Variants in TPPP observed in about 807,000 individuals in gnomAD.
The protein encoded by TPPP is tubulin polymerization-promoting protein.
A neutral mutation model predicts 15.5 loss-of-function variants in TPPP; 6 were observed. The observed-to-expected ratio is 0.39, with a 90% CI of 0.21 to 0.77. TPPP has a LOEUF of 0.77. TPPP is among the 30% of genes least tolerant of loss of function. TPPP has a pLI of 0.42. For synonymous variants in TPPP, 146 were observed against 133.9 expected, an observed-to-expected ratio of 1.09 and a Z score of -0.63; for missense variants, 269 against 307.2, an observed-to-expected ratio of 0.88 and a Z score of 0.93.
rs1392643165 is a variant in TPPP at position 676,829 on chromosome 5, C to CAG, written c.311+920_311+921insCT. Among the ~76,000 whole-genome samples, 91 of 101,210 alleles carry CAG rather than the reference C, an allele frequency of 9.0e-4. No individual in the cohort carries two copies. The African/African-American group carries it at 0.012, about 14-fold the overall frequency. 66.4% of individuals were successfully genotyped at this position (101,210 alleles called of 152,430 possible). On this transcript the variant is annotated intron_variant, in intron 2 of 3. Coordinates refer to ENST00000360578, the MANE Select transcript of TPPP (RefSeq NM_007030.3). ...ATGCAGAAACACATGCACACATGCG[C>CAG]ACACGTGCACACACGACACAGAAAC...
Position 665,165 on chromosome 5 carries a change from T to C in TPPP, c.597A>G (p.Ser199=), listed in dbSNP as rs1697963. The C allele has an allele frequency of 0.62, 997,234 of 1,613,244 alleles. 312,295 individuals carry two copies. The highest frequency in any genetic ancestry group is 0.89 in the African/African-American group (66,923 of 75,034). Residue 199 remains serine (S), a synonymous_variant, in exon 4 of 4, where the codon TCA becomes TCG. Transcript: ENST00000360578. ...CGTGCTTGTAGCCGGACACATAGCC[T>C]GACTCGTCCACCAGATCCACGCGGC... ...KAGRVDLVDE[S]GYVSGYKHAG...
Position 660,248 on chromosome 5 carries a change from G to GA in TPPP, c.*4853dup, listed in dbSNP as rs1415611842. The GA allele has an allele frequency of 6.7e-6, 1 of 149,334 alleles. No individual in the cohort carries two copies. Among genetic ancestry groups the GA allele is most frequent in the Non-Finnish European group, 1.5e-5 (1 of 67,348 alleles). 9.3% of individuals were successfully genotyped at this position (149,334 alleles called of 1,614,324 possible). ...ATATATAAATTTGTTTCCCTTTCTT[G>GA]AAAAAAACTTAGTACAAACTAGTAG... is the stretch of plus-strand genomic sequence containing the variant. On this transcript the variant is annotated 3_prime_UTR_variant, in exon 4 of 4. Coordinates refer to ENST00000360578, the MANE Select transcript of TPPP (RefSeq NM_007030.3).
At chr5:685,918 T>C (rs1342485205) in intron 1 of TPPP, among the ~76,000 whole-genome samples, 1 of 152,088 alleles carries the variant, frequency 6.6e-6, no homozygotes, top group African/African-American at 2.4e-5. Flanking sequence ...TCCAGAGCAC[T>C]ATGGCTGAGT....
chr5:683,593 C>A (rs1740685965), intron 1 of TPPP, among the ~76,000 whole-genome samples: 1 of 152,230 alleles, frequency 6.6e-6, no homozygotes, highest in Non-Finnish European at 1.5e-5. Flanking sequence ...GCTGTGACTG[C>A]AGGATGCCCC....
chr5:693,634 AG>A (rs1327351587), upstream of TPPP, among the ~76,000 whole-genome samples: 104 of 151,470 alleles, frequency 6.9e-4, no homozygotes, highest in Non-Finnish European at 7.2e-4. Flanking sequence ...ACCGCTGGGC[AG>A]GGGGCGGCGG....
At chr5:672,480 G>A (rs764775076) in intron 2 of TPPP, among the ~76,000 whole-genome samples, 4 of 152,262 alleles carry the variant, frequency 2.6e-5, no homozygotes, top group East Asian at 1.9e-4. Flanking sequence ...AGCTGAGACC[G>A]CAGCCCAGCC....
At chr5:669,680 T>TC (rs1404835135) in intron 2 of TPPP, among the ~76,000 whole-genome samples, 1 of 151,374 alleles carries the variant, frequency 6.6e-6, no homozygotes, top group African/African-American at 2.4e-5. Flanking sequence ...GCTGAGGGGC[T>TC]CCCCCATCAG....
rs1709542 is a variant in TPPP at position 662,428 on chromosome 5, A to G, written c.*2674T>C. ...GTCCTGGTGCCCAGCACCTCTCCTC[A>G]GTGTCCCTCGTCCCCACAGACCGGA... is the stretch of plus-strand genomic sequence containing the variant. On this transcript the variant is annotated 3_prime_UTR_variant, in exon 4 of 4. Transcript: ENST00000360578. The G allele has an allele frequency of 0.38, 58,190 of 152,212 alleles. 11,422 individuals carry two copies. The highest frequency in any genetic ancestry group is 0.45 in the East Asian group (2,363 of 5,252). The allele number at this position is 152,212 out of a possible 1,614,324, so 9.4% of individuals were successfully genotyped here.
intron 1 of TPPP, among the ~76,000 whole-genome samples, chr5:680,912 GT>G (rs1365700977): frequency 6.6e-6 from 1 of 152,264 alleles, no homozygotes. Flanking sequence ...CTGCTGCTGG[GT>G]CTGGAGGAGC....
chr5:698,436 T>TGA, the TPPP span, among the ~76,000 whole-genome samples: 1 of 152,018 alleles, frequency 6.6e-6, no homozygotes, highest in Non-Finnish European at 1.5e-5. Flanking sequence ...GTATCACTGC[T>TGA]GGTAAAGACA....
upstream of TPPP, among the ~76,000 whole-genome samples, chr5:697,197 CT>C (rs879618451): frequency 7.6e-3 from 1,142 of 150,654 alleles, 1 homozygote; most frequent in Non-Finnish European, 0.012. Flanking sequence ...TCTGGCCCCC[CT>C]ATCACACACC....
intron 2 of TPPP, among the ~76,000 whole-genome samples, chr5:673,494 C>T (rs773553492): frequency 1.3e-5 from 2 of 152,094 alleles, no homozygotes; most frequent in Non-Finnish European, 2.9e-5. Flanking sequence ...CTTGGCCTCC[C>T]CTCAGGCCGG....
rs1206362991 is a variant in TPPP, at chr5:660,129, A to G, written c.*4973T>C. ...GAGTCAGAACAGCCATGACGTGGAC[A>G]TCACCCGTCACACTGATAAAGTGAT... On this transcript the variant is annotated 3_prime_UTR_variant, in exon 4 of 4. Transcript: ENST00000360578. 6.6e-6 allele frequency: 1 copy of G among 152,218 alleles called. No homozygotes were observed. The highest frequency in any genetic ancestry group is 1.9e-4 in the East Asian group (1 of 5,322). 9.4% of individuals were successfully genotyped at this position (152,218 alleles called of 1,614,324 possible).
chr5:672,210 CG>C (rs1056039992), intron 2 of TPPP, among the ~76,000 whole-genome samples: 2 of 152,058 alleles, frequency 1.3e-5, no homozygotes, highest in Non-Finnish European at 2.9e-5. Context: ...GCCGGCTGGC[CG>C]GGGGGGTGTA....
At chr5:683,695 G>T (rs559271946) in intron 1 of TPPP, among the ~76,000 whole-genome samples, 1 of 152,232 alleles carries the variant, frequency 6.6e-6, no homozygotes, top group Admixed American at 6.5e-5. Context: ...TGAAGGGCAC[G>T]CTGTGTTGCA....
intron 1 of TPPP, among the ~76,000 whole-genome samples, chr5:684,100 T>G (rs950987204): frequency 3.9e-5 from 6 of 152,198 alleles, no homozygotes; most frequent in Non-Finnish European, 8.8e-5. Context: ...TGCCTGCAGA[T>G]GGCAAAGCTC....
At chr5:684,353 G>C (rs1264737283) in intron 1 of TPPP, among the ~76,000 whole-genome samples, 2 of 152,206 alleles carry the variant, frequency 1.3e-5, no homozygotes, top group African/African-American at 2.4e-5. Context: ...TGAGGAGAAA[G>C]TCTCCACTGC....
chr5:684,865 G>A (rs1325668628), intron 1 of TPPP, among the ~76,000 whole-genome samples: 1 of 152,182 alleles, frequency 6.6e-6, no homozygotes, highest in African/African-American at 2.4e-5. Flanking sequence ...TCAGAACAAA[G>A]CCGGCAGTTT....
At chr5:677,070 C>T (rs1447420628) in intron 2 of TPPP, among the ~76,000 whole-genome samples, 1 of 151,884 alleles carries the variant, frequency 6.6e-6, no homozygotes. Context: ...CAGAAACGCG[C>T]ACACGTGCAC....
Sources: allele counts gnomAD v4.1 joint callset (sites outside exome capture counted in the v4.1 genomes callset), GRCh38; gene constraint gnomAD v4.1.1; transcripts MANE v1.5; gene names NCBI Gene and HGNC (gene_info 2026-07-23, HGNC 2026-07-21).